Variants in RAB3C observed in about 807,000 individuals in gnomAD.
RAB3C encodes the protein RAB3C, member RAS oncogene family.
Under a neutral mutation model 26.4 loss-of-function variants are expected in RAB3C, and 17 were observed. The observed-to-expected ratio is 0.64, with a 90% confidence interval of 0.44 to 0.97. RAB3C has a LOEUF of 0.97. Among genes scored for constraint, RAB3C ranks in the 50% least tolerant of loss-of-function variants. The pLI, the probability that RAB3C is intolerant of heterozygous loss-of-function variation, is 0.00. For synonymous variants in RAB3C, 91 were observed against 95.9 expected (o/e 0.95, Z 0.30); for missense variants, 242 against 281.9 (o/e 0.86, Z 1.01).
intron 1 of RAB3C, among the ~76,000 whole-genome samples, chr5:58,589,241 A>G (rs758675708): frequency 6.6e-5 from 10 of 152,076 alleles, no homozygotes; most frequent in Non-Finnish European, 1.0e-4. Context: ...TTTTTAGCTA[A>G]TCTGGCATTC....
rs184682196 is a variant in RAB3C at position 58,597,726 on chromosome 5, A to G, written c.24+14494A>G. ...TATAATATAATATAGTACATTATATATAAGTATATAACATATAATACATTA... is the reference window on the plus strand; with the variant it reads ...TATAATATAATATAGTACATTATATGTAAGTATATAACATATAATACATTA... On this transcript the variant is annotated intron_variant, in intron 1 of 4. Coordinates refer to ENST00000282878, the MANE Select transcript of RAB3C (RefSeq NM_138453.4). Among the ~76,000 whole-genome samples, 2 of 130,230 alleles carry G rather than the reference A, an allele frequency of 1.5e-5. 1 individual carries two copies. Among genetic ancestry groups the G allele is most frequent in the African/African-American group, 5.6e-5 (2 of 35,640 alleles). 85.4% of individuals were successfully genotyped at this position (130,230 alleles called of 152,430 possible).
At chr5:58,658,693 C>T (rs1263987552) in intron 2 of RAB3C, among the ~76,000 whole-genome samples, 1 of 152,088 alleles carries the variant, frequency 6.6e-6, no homozygotes, top group Non-Finnish European at 1.5e-5. Context: ...TGATTAGATT[C>T]TCTAATCATG....
intron 2 of RAB3C, among the ~76,000 whole-genome samples, chr5:58,648,111 A>G (rs927867218): frequency 6.6e-6 from 1 of 152,216 alleles, no homozygotes; most frequent in Non-Finnish European, 1.5e-5. Flanking sequence ...GGAAAATGAG[A>G]GCTAAAACTA....
At chr5:58,829,152 C>T (rs1253988788) in intron 4 of RAB3C, among the ~76,000 whole-genome samples, 1 of 152,022 alleles carries the variant, frequency 6.6e-6, no homozygotes, top group Non-Finnish European at 1.5e-5. Context: ...ATCTGCCCAC[C>T]TCTGCCTCCC....
chr5:58,677,976 TTGTG>T (rs70973149), intron 2 of RAB3C, among the ~76,000 whole-genome samples: 4,494 of 147,872 alleles, frequency 0.03, 118 homozygotes, highest in Non-Finnish European at 0.043. Flanking sequence ...CTAGATTATT[TTGTG>T]TGTGTGTGTG....
intron 2 of RAB3C, among the ~76,000 whole-genome samples, chr5:58,642,871 T>G (rs1252849037): frequency 6.6e-6 from 1 of 152,170 alleles, no homozygotes; most frequent in African/African-American, 2.4e-5. Context: ...GGAAACCATT[T>G]CAGTAGTGGT....
intron 1 of RAB3C, among the ~76,000 whole-genome samples, chr5:58,611,593 G>A (rs1746702070): frequency 6.6e-6 from 1 of 151,922 alleles, no homozygotes; most frequent in Admixed American, 6.6e-5. Flanking sequence ...TTGTTCTCTT[G>A]TAGATTTGTT....
chr5:58,757,995 G>T (rs1267240484), intron 3 of RAB3C, among the ~76,000 whole-genome samples: 4 of 152,196 alleles, frequency 2.6e-5, no homozygotes, highest in South Asian at 4.1e-4. Context: ...AGGCTGGAGT[G>T]CAGTGGTGCG....
chr5:58,782,868 A>G (rs1366156694), intron 3 of RAB3C, among the ~76,000 whole-genome samples: 1 of 152,032 alleles, frequency 6.6e-6, no homozygotes, highest in Admixed American at 6.6e-5. Flanking sequence ...GACCACATTT[A>G]CCTTTCAGAT....
At chr5:58,752,658 C>T (rs1741557058) in intron 3 of RAB3C, among the ~76,000 whole-genome samples, 1 of 151,942 alleles carries the variant, frequency 6.6e-6, no homozygotes, top group Non-Finnish European at 1.5e-5. Context: ...TGGACTTTCT[C>T]CAGCTATTAA....
chr5:58,597,263 A>AAT (rs367854508), intron 1 of RAB3C, among the ~76,000 whole-genome samples: 2 of 106 alleles, frequency 0.019, no homozygotes, highest in Non-Finnish European at 0.031. Flanking sequence ...TATACTACAC[A>AAT]ATATATTATA....
At chr5:58,709,160 CATATTGAAT>C (rs1237888632) in intron 2 of RAB3C, among the ~76,000 whole-genome samples, 1 of 152,202 alleles carries the variant, frequency 6.6e-6, no homozygotes, top group Non-Finnish European at 1.5e-5. Context: ...AAAGAGAATT[CATATTGAAT>C]ACATTCTGTA....
chr5:58,820,969 T>A (rs779193079), intron 3 of RAB3C, among the ~76,000 whole-genome samples: 1 of 152,188 alleles, frequency 6.6e-6, no homozygotes, highest in African/African-American at 2.4e-5. Context: ...TTCCATTAAT[T>A]TGGTTAAGGG....
intron 3 of RAB3C, among the ~76,000 whole-genome samples, chr5:58,818,496 T>C (rs1355429134): frequency 6.6e-6 from 1 of 152,128 alleles, no homozygotes; most frequent in Non-Finnish European, 1.5e-5. Context: ...AAGCTTGAGG[T>C]ATTTGTTTTG....
At chr5:58,668,089 T>C (rs2111818726) in intron 2 of RAB3C, among the ~76,000 whole-genome samples, 1 of 152,290 alleles carries the variant, frequency 6.6e-6, no homozygotes, top group East Asian at 1.9e-4. Flanking sequence ...GTAAGTATGA[T>C]ATATAACATA....
intron 3 of RAB3C, among the ~76,000 whole-genome samples, chr5:58,794,100 G>A (rs1236323041): frequency 6.6e-6 from 1 of 152,056 alleles, no homozygotes; most frequent in Non-Finnish European, 1.5e-5. Context: ...TAAAATGGAA[G>A]GCCTTCTATT....
intron 2 of RAB3C, among the ~76,000 whole-genome samples, chr5:58,621,503 CTGGTTGTCAG>C (rs1228672841): frequency 6.6e-6 from 1 of 152,160 alleles, no homozygotes; most frequent in African/African-American, 2.4e-5. Flanking sequence ...AAATCTCAAC[CTGGTTGTCAG>C]TGGAATCCTC....
intron 4 of RAB3C, among the ~76,000 whole-genome samples, chr5:58,827,041 G>A (rs747927053): frequency 1.1e-4 from 16 of 152,340 alleles, no homozygotes; most frequent in Non-Finnish European, 2.1e-4. Context: ...TACCTGGCTG[G>A]TGTACGGTCT....
rs1002420653 is a variant in RAB3C at position 58,787,793 on chromosome 5, G to T, written c.372-37245G>T. The stretch of plus-strand genomic sequence containing the variant: ...TGGAGAGCTCTGTGCCTAGGTCGGC[G>T]GGAATGACACCCTCATTCTTCAGGT... On this transcript the variant is annotated intron_variant, in intron 3 of 4. Transcript: ENST00000282878. Among the ~76,000 whole-genome samples, 3 of 151,982 alleles carry T rather than the reference G, an allele frequency of 2.0e-5. No individual in the cohort carries two copies. In the South Asian group the frequency reaches 6.2e-4, roughly 32 times the overall value.
Sources: gnomAD v4.1 joint callset for allele counts (sites outside exome capture counted in the v4.1 genomes callset) on GRCh38, gnomAD v4.1.1 for gene constraint, MANE v1.5 for transcripts, NCBI Gene and HGNC (gene_info 2026-07-23, HGNC 2026-07-21) for gene names.